TOGARAM1: variants seen among roughly 807,000 people sequenced by gnomAD.
TOGARAM1 encodes TOG array regulator of axonemal microtubules protein 1.
A neutral mutation model predicts 166.6 loss-of-function variants in TOGARAM1; 100 were observed. That is an observed-to-expected ratio of 0.60 (90% confidence interval 0.51 to 0.71). TOGARAM1 has a LOEUF of 0.71. TOGARAM1 is among the 30% of genes least tolerant of loss of function. The pLI, the probability that TOGARAM1 is intolerant of heterozygous loss-of-function variation, is 0.00. For synonymous variants in TOGARAM1, 758 were observed against 763.8 expected, an observed-to-expected ratio of 0.99 and a Z score of 0.13; for missense variants, 2,029 against 2,102.7, an observed-to-expected ratio of 0.96 and a Z score of 0.69.
At chr14:45,010,421 A>C (rs767224467) in intron 6 of TOGARAM1, among the ~76,000 whole-genome samples, 3 of 152,228 alleles carry the variant, frequency 2.0e-5, no homozygotes, top group Admixed American at 6.5e-5. Flanking sequence ...TATAAGACAC[A>C]AAATATATTT....
At position 44,963,327 on chromosome 14, in the gene TOGARAM1, C is replaced by T. The variant is rs372510539; in HGVS notation, c.906C>T (p.Ala302=). ...FQSYISRLPS[A]LRRHYNRRLE... ...CTTACATTTCTCGTCTGCCCTCTGC[C>T]CTGAGGAGACACTACAATCGCCGCC... The change falls in exon 1 of 20, where the codon GCC becomes GCT. Residue 302 remains alanine, a synonymous_variant. Coordinates refer to ENST00000361462, the MANE Select transcript of TOGARAM1 (RefSeq NM_001308120.2). 3 of 1,614,060 alleles carry T rather than the reference C, an allele frequency of 1.9e-6. No homozygotes were observed. Among genetic ancestry groups the T allele is most frequent in the Non-Finnish European group, 2.5e-6 (3 of 1,180,026 alleles).
At chr14:45,047,578 G>T (rs1566662678) in intron 14 of TOGARAM1, among the ~76,000 whole-genome samples, 1 of 152,024 alleles carries the variant, frequency 6.6e-6, no homozygotes, top group Non-Finnish European at 1.5e-5. Context: ...ATGATATAAT[G>T]GCTGTGGTGG....
At chr14:45,003,264 G>A (rs1370919385) in intron 3 of TOGARAM1, among the ~76,000 whole-genome samples, 1 of 151,902 alleles carries the variant, frequency 6.6e-6, no homozygotes, top group African/African-American at 2.4e-5. Context: ...ATTAATATAC[G>A]TACGCTAGGT....
intron 6 of TOGARAM1, 22 bp downstream of exon 6, chr14:45,009,167 T>C: frequency 6.5e-7 from 1 of 1,544,028 alleles, no homozygotes; most frequent in East Asian, 2.2e-5. Flanking sequence ...TTTGACGTGA[T>C]AAATGAATGT....
chr14:45,029,277 A>G (rs987577440), intron 10 of TOGARAM1, among the ~76,000 whole-genome samples: 2 of 152,154 alleles, frequency 1.3e-5, no homozygotes, highest in South Asian at 4.1e-4. Flanking sequence ...GGAGAGAAAA[A>G]CCCACGAAAC....
intron 10 of TOGARAM1, 115 bp from the exon 11 acceptor site, chr14:45,032,108 T>C (rs1881194252): frequency 1.1e-6 from 1 of 880,510 alleles, no homozygotes. Flanking sequence ...TGCAGTGAGC[T>C]AAGATCGTAC....
Position 45,046,571 on chromosome 14 carries a change from G to A in TOGARAM1, c.4181G>A (p.Cys1394Tyr). The stretch of plus-strand genomic sequence containing the variant: ...CATTTACACATTGCTGTAAGAAGGT[G>A]TACAGCCCAGCATTTATCAGATGTA... ...QSHLHIAVRR[C>Y]TAQHLSDVLE... is the part of the protein sequence containing the mutation. Residue 1394 changes from cysteine (C) to tyrosine (Y), a missense_variant, in exon 14 of 20, where the codon TGT becomes TAT. Around this residue, in one of 2 missense-constraint regions of TOGARAM1, gnomAD observed 576 missense variants for 670.5 expected, o/e 0.86. Coordinates refer to ENST00000361462, the MANE Select transcript of TOGARAM1 (RefSeq NM_001308120.2). The A allele has an allele frequency of 7.4e-7, 1 of 1,350,680 alleles. No homozygotes were observed. Among genetic ancestry groups the A allele is most frequent in the South Asian group, 2.2e-5 (1 of 45,274 alleles). 83.7% of individuals were successfully genotyped at this position (1,350,680 alleles called of 1,614,324 possible). A position where few individuals can be genotyped will look rare whatever the true frequency, so the allele number is the denominator to read the frequency against.
At chr14:45,035,720 G>A (rs1881390839) in intron 11 of TOGARAM1, among the ~76,000 whole-genome samples, 1 of 151,852 alleles carries the variant, frequency 6.6e-6, no homozygotes, top group African/African-American at 2.4e-5. Context: ...CAAATACACT[G>A]CAAACCAAAA....
Position 45,073,648 on chromosome 14 carries a change from A to G in TOGARAM1, c.*87A>G. 2.4e-6 allele frequency: 3 copies of G among 1,268,088 alleles called. No homozygotes were observed. Among genetic ancestry groups the G allele is most frequent in the Non-Finnish European group, 2.2e-6 (2 of 929,524 alleles). 78.6% of individuals were successfully genotyped at this position (1,268,088 alleles called of 1,614,324 possible). A position where few individuals can be genotyped will look rare whatever the true frequency, so the allele number is the denominator to read the frequency against. On this transcript the variant is annotated 3_prime_UTR_variant, in exon 20 of 20. Transcript: ENST00000361462. ...TAAAAGTTATGTTATCAGTGCCTGC[A>G]CTTCACATCCAGCAAATTAAGTCAA...
chr14:44,977,850 A>G (rs1325045351), intron 1 of TOGARAM1, among the ~76,000 whole-genome samples: 3 of 151,880 alleles, frequency 2.0e-5, no homozygotes, highest in African/African-American at 4.8e-5. Context: ...GGGTTTCACC[A>G]TGTTGGCCAG....
intron 7 of TOGARAM1, among the ~76,000 whole-genome samples, chr14:45,017,587 T>A (rs564407486): frequency 1.9e-4 from 29 of 152,338 alleles, no homozygotes; most frequent in Admixed American, 1.5e-3. Flanking sequence ...TTTGCTGTTA[T>A]CATTAACCAT....
chr14:45,006,079 G>A lies in TOGARAM1; in HGVS notation c.2716G>A (p.Gly906Ser), dbSNP rs1243399768. 1.9e-6 allele frequency: 3 copies of A among 1,613,724 alleles called. No homozygotes were observed. The highest frequency in any genetic ancestry group is 2.5e-6 in the Non-Finnish European group (3 of 1,179,762). ...GGTGAGATCGCCATCTTCCCGACGA[G>A]GTCTAAATGGGACAAAGCCTGTTCC... ...ALVRSPSSRR[G>S]LNGTKPVPPI... Residue 906 changes from glycine (G) to serine (S), a missense_variant, in exon 5 of 20, where the codon GGT (glycine) becomes AGT (serine). Physicochemically the swap from Gly to Ser is moderately conservative, Grantham distance 56 (BLOSUM62 0). This residue lies in a region of TOGARAM1 where 1,453 missense variants were observed against 1,432.2 expected (regional missense o/e 1.01). Coordinates refer to ENST00000361462, the MANE Select transcript of TOGARAM1 (RefSeq NM_001308120.2).
chr14:44,982,918 C>T (rs1014795118), intron 1 of TOGARAM1, among the ~76,000 whole-genome samples: 3 of 152,088 alleles, frequency 2.0e-5, no homozygotes, highest in African/African-American at 7.2e-5. Context: ...CTACAGTGCT[C>T]TTCCCACAAA....
intron 14 of TOGARAM1, among the ~76,000 whole-genome samples, chr14:45,049,366 G>A (rs181613829): frequency 3.8e-4 from 57 of 151,870 alleles, no homozygotes; most frequent in African/African-American, 1.3e-3. Flanking sequence ...GGGTTCAAGC[G>A]ATTCTGCCTC....
chr14:44,969,149 T>TTCCTTCCTTC (rs1566595735), intron 1 of TOGARAM1, among the ~76,000 whole-genome samples: 1,752 of 122,468 alleles, frequency 0.014, 46 homozygotes, highest in African/African-American at 0.062. Flanking sequence ...TTCCTTCCTT[T>TTCCTTCCTTC]CTTTCTTTCT....
At position 45,027,287 on chromosome 14, in the gene TOGARAM1, G is replaced by T; in HGVS notation, c.3329-12G>T. The T allele has an allele frequency of 1.2e-6, 2 of 1,612,022 alleles. No individual in the cohort carries two copies. The highest frequency in any genetic ancestry group is 1.7e-6 in the Non-Finnish European group (2 of 1,179,348). On this transcript the variant is annotated splice_polypyrimidine_tract_variant and intron_variant, in intron 8 of 19. Coordinates refer to ENST00000361462, the MANE Select transcript of TOGARAM1 (RefSeq NM_001308120.2). The stretch of plus-strand genomic sequence containing the variant: ...ATTAGTTAATGACTATTTGGTGGTT[G>T]GTTGATTTCAGGCGTATTTGGAAGT...
Position 44,994,465 on chromosome 14 carries a change from C to T in TOGARAM1, c.2047-1281C>T, listed in dbSNP as rs528633971. 1.6e-4 allele frequency among the ~76,000 whole-genome samples: 24 copies of T among 152,226 alleles called. No homozygotes were observed. In the South Asian group the frequency reaches 5.0e-3, roughly 32 times the overall value. ...ACAGGGTCTCAGTCAGTCACTCAGG[C>T]TGGAGTGCAGTGGCACAATATCAGC... On this transcript the variant is annotated intron_variant, in intron 1 of 19. Transcript: ENST00000361462.
intron 1 of TOGARAM1, among the ~76,000 whole-genome samples, chr14:44,969,174 T>TTCTTTTC (rs1246526347): frequency 3.7e-5 from 4 of 107,956 alleles, no homozygotes; most frequent in African/African-American, 1.9e-4. Context: ...TTTCTTTTCT[T>TTCTTTTC]TTTTTTTTTT....
chr14:44,976,964 G>A (rs1333898682), intron 1 of TOGARAM1, among the ~76,000 whole-genome samples: 1 of 151,912 alleles, frequency 6.6e-6, no homozygotes, highest in Non-Finnish European at 1.5e-5. Context: ...ATACCAGAAA[G>A]CAATAATTTT....
Sources: allele counts gnomAD v4.1 joint callset (sites outside exome capture counted in the v4.1 genomes callset), GRCh38; gene constraint gnomAD v4.1.1; regional missense constraint gnomAD v4.1.1; transcripts MANE v1.5; gene names NCBI Gene and HGNC (gene_info 2026-07-23, HGNC 2026-07-21).